The following SNED1 variants were observed in gnomAD, a reference collection of about 807,000 sequenced individuals.
SNED1 encodes sushi, nidogen and EGF like domains 1.
SNED1 carries 81 observed loss-of-function variants against 166.7 expected under a neutral mutation model. That is an observed-to-expected ratio of 0.49 (90% CI 0.41 to 0.58). The LOEUF (loss-of-function observed/expected upper bound fraction) is 0.58, where lower values mean the gene tolerates loss of function less well. Among genes scored for constraint, SNED1 ranks in the 20% least tolerant of loss-of-function variants. The pLI, the probability that SNED1 is intolerant of heterozygous loss-of-function variation, is 0.00. For synonymous variants in SNED1, 762 were observed against 822.0 expected, an observed-to-expected ratio of 0.93 and a Z score of 1.25; for missense variants, 1,604 against 2,000.2, an observed-to-expected ratio of 0.80 and a Z score of 3.78.
chr2:241,024,993 C>G (rs559670656), intron 1 of SNED1, among the ~76,000 whole-genome samples: 1 of 152,314 alleles, frequency 6.6e-6, no homozygotes, highest in South Asian at 2.1e-4. Flanking sequence ...ATATTATCCC[C>G]TCTATCAGTA....
At chr2:241,040,538 G>A in intron 8 of SNED1, 125 bp downstream of exon 8, 1 of 658,278 alleles carries the variant, frequency 1.5e-6, no homozygotes, top group South Asian at 1.9e-5. Flanking sequence ...TCTGGGGTGG[G>A]AGGATGCCTC....
chr2:241,063,239 C>T, intron 17 of SNED1: 1 of 484,938 alleles, frequency 2.1e-6, no homozygotes, highest in Non-Finnish European at 3.8e-6. Flanking sequence ...ATGAGCCCTG[C>T]ACACTCTTGT....
intron 31 of SNED1, among the ~76,000 whole-genome samples, chr2:241,089,551 T>C (rs931291851): frequency 2.7e-5 from 4 of 148,530 alleles, no homozygotes; most frequent in Admixed American, 6.6e-5. Flanking sequence ...ACAGAGTGCA[T>C]GCATCTGCCT....
In SNED1 at chr2:241,049,070, G is replaced by T. The variant is rs758656473; in HGVS notation, c.1553G>T (p.Gly518Val). 5.0e-6 allele frequency: 8 copies of T among 1,613,678 alleles called. No homozygotes were observed. The East Asian group carries it at 1.6e-4, about 31-fold the overall frequency. Reference sequence around the variant, plus strand: ...ATGAACACACAGTGCCCAGATGGGGGCTACTGCATGGAGCACGGCGGGAGC... The same window carrying T: ...ATGAACACACAGTGCCCAGATGGGGTCTACTGCATGGAGCACGGCGGGAGC... ...CNMNTQCPDGGYCMEHGGSYL... is the reference protein window; with the variant it reads ...CNMNTQCPDGVYCMEHGGSYL... The change falls in exon 11 of 32, where the codon GGC becomes GTC. Residue 518 changes from glycine to valine, a missense_variant. Coordinates refer to ENST00000310397, the MANE Select transcript of SNED1 (RefSeq NM_001080437.3).
intron 8 of SNED1, among the ~76,000 whole-genome samples, chr2:241,040,676 C>G (rs78127965): frequency 0.057 from 8,671 of 152,292 alleles, 388 homozygotes; most frequent in African/African-American, 0.12. Flanking sequence ...AACCCCTTCC[C>G]CTCTCTGGGC....
At chr2:241,028,122 T>A (rs1301392390) in intron 1 of SNED1, among the ~76,000 whole-genome samples, 5 of 152,196 alleles carry the variant, frequency 3.3e-5, no homozygotes, top group Admixed American at 3.3e-4. Flanking sequence ...TCCTTTCTCA[T>A]TTTTGAAACA....
chr2:241,026,032 T>TG lies in SNED1; in HGVS notation c.214-4252_214-4251insG. Among the ~76,000 whole-genome samples the TG allele has an allele frequency of 1.5e-5, 2 of 136,748 alleles. 1 individual carries two copies. The highest frequency in any genetic ancestry group is 4.7e-4 in the South Asian group (2 of 4,296). The allele number at this position is 136,748 out of a possible 152,430, so 89.7% of individuals were successfully genotyped here. On this transcript the variant is annotated intron_variant, in intron 1 of 31. Coordinates refer to ENST00000310397, the MANE Select transcript of SNED1 (RefSeq NM_001080437.3). ...TCCTTTTTTTTTTTTTTTTTTTTTT[T>TG]TGAGACAGAGTCTTGCTCTGTCACC...
intron 4 of SNED1, among the ~76,000 whole-genome samples, chr2:241,035,868 G>A (rs988392971): frequency 4.9e-5 from 6 of 123,372 alleles, no homozygotes; most frequent in Non-Finnish European, 1.0e-4. Flanking sequence ...GAGGGGTAGA[G>A]GGTGTGGGAG....
chr2:241,049,945 AG>A lies in SNED1; in HGVS notation c.1735+16del. ...GCACTGCGAGAAAGGTATGGCGGGC[AG>A]GGGCGTCCGGGCCGGCGTCAGCACC... On this transcript the variant is annotated intron_variant, in intron 12 of 31. Coordinates refer to ENST00000310397, the MANE Select transcript of SNED1 (RefSeq NM_001080437.3). 6.2e-7 allele frequency: 1 copy of A among 1,605,516 alleles called. No homozygotes were observed. Among genetic ancestry groups the A allele is most frequent in the Non-Finnish European group, 8.5e-7 (1 of 1,173,126 alleles).
At chr2:241,056,764 G>A (rs980423965) in intron 16 of SNED1, among the ~76,000 whole-genome samples, 1 of 151,258 alleles carries the variant, frequency 6.6e-6, no homozygotes, top group Non-Finnish European at 1.5e-5. Context: ...TTTATATTTA[G>A]TAGAGACAGG....
intron 2 of SNED1, among the ~76,000 whole-genome samples, chr2:241,031,321 C>A (rs1376932604): frequency 6.6e-6 from 1 of 152,210 alleles, no homozygotes; most frequent in African/African-American, 2.4e-5. Context: ...TGCATCACCA[C>A]ACCCAGCTTA....
chr2:241,040,283 C>A lies in SNED1; in HGVS notation c.1160-17C>A. 1 of 1,588,154 alleles carries A rather than the reference C, an allele frequency of 6.3e-7. No individual in the cohort carries two copies. The highest frequency in any genetic ancestry group is 1.1e-5 in the South Asian group (1 of 87,200). On this transcript the variant is annotated splice_polypyrimidine_tract_variant and intron_variant, in intron 7 of 31. Transcript: ENST00000310397. ...TGGCCTGGCTCAAGCCAAGCCCGCA[C>A]CTCTGCTGCCCCTCAGATGTGGACG...
chr2:241,087,139 GTGC>G (rs576745840), intron 29 of SNED1: 13 of 454,068 alleles, frequency 2.9e-5, no homozygotes, highest in Non-Finnish European at 5.0e-5. Flanking sequence ...TCCTTTGTCA[GTGC>G]TCATCAGAAT....
chr2:241,025,327 T>G (rs780579645), intron 1 of SNED1, among the ~76,000 whole-genome samples: 5 of 152,156 alleles, frequency 3.3e-5, no homozygotes, highest in Non-Finnish European at 7.3e-5. Context: ...AAAAATTGTC[T>G]TCTATGAAAC....
chr2:241,031,741 CTTTG>C (rs891060948), intron 2 of SNED1, among the ~76,000 whole-genome samples: 3 of 152,256 alleles, frequency 2.0e-5, no homozygotes, highest in Non-Finnish European at 2.9e-5. Context: ...GCCCTCGCGT[CTTTG>C]TTTGTTTTCC....
At position 240,999,610 on chromosome 2, in the gene SNED1, C is replaced by T. The variant is rs940784312; in HGVS notation, c.213+560C>T. On this transcript the variant is annotated intron_variant, in intron 1 of 31. Coordinates refer to ENST00000310397, the MANE Select transcript of SNED1 (RefSeq NM_001080437.3). The surrounding 1 kb of genome is among the most constrained non-coding windows in gnomAD (Gnocchi z 5.8). ...GCGGGCTAGCAACAGGCTTGCCCCT[C>T]CCTGCCGTCCTCTCCGCAGTCTGGG... Among the ~76,000 whole-genome samples, 3 of 152,200 alleles carry T rather than the reference C, an allele frequency of 2.0e-5. No individual in the cohort carries two copies. The highest frequency in any genetic ancestry group is 1.3e-4 in the Admixed American group (2 of 15,280).
chr2:241,059,860 C>T (rs2062175882), intron 16 of SNED1, among the ~76,000 whole-genome samples: 1 of 152,166 alleles, frequency 6.6e-6, no homozygotes, highest in African/African-American at 2.4e-5. Context: ...GGCAAGGTGT[C>T]CATTCAGTAC....
chr2:241,078,357 T>G (rs115668529), intron 27 of SNED1, among the ~76,000 whole-genome samples: 1 of 138,726 alleles, frequency 7.2e-6, no homozygotes, highest in Non-Finnish European at 1.5e-5. Context: ...CACTGCAGCC[T>G]GGGAGACAGA....
chr2:241,048,549 C>T (rs1240945989), intron 9 of SNED1, 109 bp downstream of exon 9: 19 of 1,487,030 alleles, frequency 1.3e-5, no homozygotes, highest in African/African-American at 2.8e-5. Flanking sequence ...CGTGTGAGTG[C>T]GCGTCCACTG....
Sources: gnomAD v4.1 joint callset for allele counts (sites outside exome capture counted in the v4.1 genomes callset) on GRCh38, gnomAD v4.1.1 for gene constraint, Gnocchi (gnomAD v3.1) non-coding constraint, MANE v1.5 for transcripts, NCBI Gene and HGNC (gene_info 2026-07-23, HGNC 2026-07-21) for gene names.